Variants in SCUBE2 observed in about 807,000 individuals in gnomAD.
The protein encoded by SCUBE2 is signal peptide, CUB domain and EGF like domain containing 2.
In SCUBE2, 114 loss-of-function variants were observed where a neutral mutation model predicts 125.9. That is an observed-to-expected ratio of 0.91 (90% confidence interval 0.78 to 1.06). The LOEUF (loss-of-function observed/expected upper bound fraction) is 1.06, where lower values mean the gene tolerates loss of function less well. SCUBE2 is among the 50% of genes least tolerant of loss of function. The probability of loss-of-function intolerance (pLI) is 0.00; values close to 1 mark genes in which losing one functional copy is unlikely to be tolerated. For missense variants in SCUBE2, 1,255 were observed against 1,301.8 expected (o/e 0.96, Z 0.55); for synonymous variants, 459 against 492.9 (o/e 0.93, Z 0.91).
intron 4 of SCUBE2, 56 bp downstream of exon 4, chr11:9,074,425 C>A: frequency 6.2e-7 from 1 of 1,600,652 alleles, no homozygotes; most frequent in South Asian, 1.1e-5. Flanking sequence ...TGTGCGCGTG[C>A]AAGGGAGAGG....
intron 2 of SCUBE2, among the ~76,000 whole-genome samples, chr11:9,088,800 C>T (rs1254246842): frequency 6.6e-6 from 1 of 152,212 alleles, no homozygotes; most frequent in East Asian, 1.9e-4. Context: ...ATTTCTCACT[C>T]ATCCAAAGAA....
chr11:9,058,138 C>G (rs1207388406), intron 9 of SCUBE2, among the ~76,000 whole-genome samples: 1 of 152,180 alleles, frequency 6.6e-6, no homozygotes, highest in African/African-American at 2.4e-5. Context: ...TCTGCCTTCC[C>G]TCTCTTCAAA....
In SCUBE2 at chr11:9,074,490, G is replaced by A. The variant is rs781504085; in HGVS notation, c.508C>T (p.Arg170Cys). The A allele has an allele frequency of 2.5e-5, 40 of 1,614,002 alleles. 1 individual carries two copies. The highest frequency in any genetic ancestry group is 1.9e-4 in the African/African-American group (14 of 74,890). Residue 170 changes from arginine to cysteine, a missense_variant, in exon 4 of 23, where the codon CGC (arginine) becomes TGC (cysteine). By Grantham distance (180) the Arg-to-Cys change is radical (BLOSUM62 -3). This residue lies in a region of SCUBE2 where 362 missense variants were observed against 323.0 expected (regional missense o/e 1.12). Coordinates refer to ENST00000649792, the MANE Select transcript of SCUBE2 (RefSeq NM_001367977.2). Reference sequence around the variant, plus strand: ...AGCTGGGCAGAGGTACCTTCCGAGCGGTGAATGCAGGTGTGCTGATTGTCA... The same window carrying A: ...AGCTGGGCAGAGGTACCTTCCGAGCAGTGAATGCAGGTGTGCTGATTGTCA... ...LSDNQHTCIH[R>C]SEEGLSCMNK...
chr11:9,020,973 T>A lies in SCUBE2; in HGVS notation c.*72A>T. 7.1e-7 allele frequency: 1 copy of A among 1,408,708 alleles called. No individual in the cohort carries two copies. The highest frequency in any genetic ancestry group is 9.6e-7 in the Non-Finnish European group (1 of 1,039,830). 87.3% of individuals were successfully genotyped at this position (1,408,708 alleles called of 1,614,324 possible). A position where few individuals can be genotyped will look rare whatever the true frequency, so the allele number is the denominator to read the frequency against. On this transcript the variant is annotated 3_prime_UTR_variant, in exon 23 of 23. Transcript: ENST00000649792. ...GCAGCAATACCCGACTGTGCTGACA[T>A]GCAGAAGGAAGACAGCTCTGTCCCA...
At chr11:9,040,548 G>A (rs112148730) in intron 16 of SCUBE2, among the ~76,000 whole-genome samples, 28 of 101,512 alleles carry the variant, frequency 2.8e-4, no homozygotes, top group East Asian at 1.8e-3. Flanking sequence ...GATGGGGAGG[G>A]TACACAGCAT....
intron 16 of SCUBE2, among the ~76,000 whole-genome samples, chr11:9,034,980 G>A (rs1166819276): frequency 2.0e-5 from 3 of 152,146 alleles, no homozygotes; most frequent in African/African-American, 7.2e-5. Flanking sequence ...CTGGGCCACA[G>A]AGTGAGGCTC....
At chr11:9,053,605 GCTGT>G in intron 11 of SCUBE2, 28 bp downstream of exon 11, 1 of 1,609,754 alleles carries the variant, frequency 6.2e-7, no homozygotes, top group Non-Finnish European at 8.5e-7. Context: ...TGGCCAGCCT[GCTGT>G]CTGAGTCTGT....
In SCUBE2 at chr11:9,027,575, T is replaced by C; in HGVS notation, c.2504-14A>G. 2 of 1,607,928 alleles carry C rather than the reference T, an allele frequency of 1.2e-6. No homozygotes were observed. Among genetic ancestry groups the C allele is most frequent in the South Asian group, 2.2e-5 (2 of 90,336 alleles). ...CACATCTTCTGTCTGAAAAAGGAGA[T>C]GCCCCGAGTTATGGCACGACACTGT... On this transcript the variant is annotated splice_polypyrimidine_tract_variant and intron_variant, in intron 19 of 22. Transcript: ENST00000649792.
Position 9,021,135 on chromosome 11 carries a change from G to A in SCUBE2, c.2997C>T (p.Tyr999=). Residue 999 remains tyrosine, a synonymous_variant, in exon 23 of 23, where the codon TAC becomes TAT. Coordinates refer to ENST00000649792, the MANE Select transcript of SCUBE2 (RefSeq NM_001367977.2). ...VLAHPQNYFK[Y]TAQESREMFP... ...ACATCTCTCGGGACTCCTGGGCTGTGTACTTGAAATAGTTCTGGGGATGGG... is the reference window on the plus strand; with the variant it reads ...ACATCTCTCGGGACTCCTGGGCTGTATACTTGAAATAGTTCTGGGGATGGG... 1 of 1,613,178 alleles carries A rather than the reference G, an allele frequency of 6.2e-7. No homozygotes were observed. The highest frequency in any genetic ancestry group is 1.3e-5 in the African/African-American group (1 of 75,006).
Position 9,027,359 on chromosome 11 carries a change from C to T in SCUBE2, c.2701+5G>A, listed in dbSNP as rs546575736. On this transcript the variant is annotated splice_donor_5th_base_variant and intron_variant, in intron 20 of 22. Coordinates refer to ENST00000649792, the MANE Select transcript of SCUBE2 (RefSeq NM_001367977.2). ...TGAGAAAGGGAGGGAGGGAGTGAGACGCACAGGTTTTCCGCATCACCAGAT... is the reference window on the plus strand; with the variant it reads ...TGAGAAAGGGAGGGAGGGAGTGAGATGCACAGGTTTTCCGCATCACCAGAT... 23 of 1,613,658 alleles carry T rather than the reference C, an allele frequency of 1.4e-5. No homozygotes were observed. The highest frequency in any genetic ancestry group is 1.0e-4 in the Admixed American group (6 of 59,972).
intron 20 of SCUBE2, chr11:9,026,078 G>A: frequency 2.1e-6 from 1 of 479,692 alleles, no homozygotes; most frequent in Non-Finnish European, 3.7e-6. Flanking sequence ...CTGGGGCTTG[G>A]CAAGCAGCAG....
chr11:9,065,774 T>C (rs1193017500), intron 7 of SCUBE2, 117 bp downstream of exon 7: 2 of 790,122 alleles, frequency 2.5e-6, no homozygotes, highest in African/African-American at 1.7e-5. Context: ...CAGGAGCTGC[T>C]CACCCCAGTC....
chr11:9,042,498 C>A (rs2135322864), intron 16 of SCUBE2, among the ~76,000 whole-genome samples: 1 of 152,206 alleles, frequency 6.6e-6, no homozygotes, highest in Non-Finnish European at 1.5e-5. Flanking sequence ...CCTTGCCTTC[C>A]TGCACTCCTC....
chr11:9,053,843 G>A, intron 10 of SCUBE2, 84 bp from the exon 11 acceptor site: 1 of 1,525,282 alleles, frequency 6.6e-7, no homozygotes, highest in South Asian at 1.2e-5. Context: ...GGAGCAGCAG[G>A]GGAGTCACAA....
intron 20 of SCUBE2, chr11:9,026,776 G>A (rs1204165222): frequency 1.3e-5 from 2 of 156,196 alleles, no homozygotes; most frequent in Non-Finnish European, 2.8e-5. Flanking sequence ...ACCTTATAAG[G>A]TAGCAACTGT....
At chr11:9,087,632 G>C (rs1270112190) in intron 2 of SCUBE2, among the ~76,000 whole-genome samples, 1 of 152,104 alleles carries the variant, frequency 6.6e-6, no homozygotes, top group East Asian at 1.9e-4. Context: ...GGGAGCGGTG[G>C]GAGCCTCACT....
At chr11:9,058,595 C>CAAAAAAAAAAAA (rs61409328) in intron 9 of SCUBE2, among the ~76,000 whole-genome samples, 6 of 44,314 alleles carry the variant, frequency 1.4e-4, no homozygotes, top group African/African-American at 4.3e-4. Flanking sequence ...GACTCTGTCT[C>CAAAAAAAAAAAA]AAAAAAAAAA....
At chr11:9,076,537 G>A (rs535352460) in intron 3 of SCUBE2, among the ~76,000 whole-genome samples, 31 of 151,942 alleles carry the variant, frequency 2.0e-4, no homozygotes, top group African/African-American at 7.5e-4. Context: ...AAGCAGGAGA[G>A]GATAGCATCA....
At chr11:9,046,166 C>A (rs542698492) in intron 16 of SCUBE2, among the ~76,000 whole-genome samples, 67 of 151,864 alleles carry the variant, frequency 4.4e-4, no homozygotes, top group Non-Finnish European at 9.0e-4. Flanking sequence ...GCCACCACGC[C>A]CAGCTAATTT....
Sources: gnomAD v4.1 joint callset for allele counts (sites outside exome capture counted in the v4.1 genomes callset) on GRCh38, gnomAD v4.1.1 for gene constraint, gnomAD v4.1.1 regional missense constraint, MANE v1.5 for transcripts, NCBI Gene and HGNC (gene_info 2026-07-23, HGNC 2026-07-21) for gene names.